KBTBD12: variants seen among roughly 807,000 people sequenced by gnomAD.
KBTBD12 encodes kelch repeat and BTB domain containing 12.
In KBTBD12, 53 loss-of-function variants were observed where a neutral mutation model predicts 58.7. The ratio of observed to expected loss-of-function variants is 0.90; its 90% confidence interval spans 0.72 to 1.14. The LOEUF (loss-of-function observed/expected upper bound fraction) is 1.14, where lower values mean the gene tolerates loss of function less well. Among genes scored for constraint, KBTBD12 ranks in the 50% most tolerant of loss-of-function variants. The pLI, the probability that KBTBD12 is intolerant of heterozygous loss-of-function variation, is 0.00. For missense variants in KBTBD12, 704 were observed against 751.3 expected (o/e 0.94, Z 0.74); for synonymous variants, 236 against 259.8 (o/e 0.91, Z 0.88).
chr3:127,926,683 T>C (rs1378564864), intron 2 of KBTBD12, among the ~76,000 whole-genome samples: 1 of 152,170 alleles, frequency 6.6e-6, no homozygotes, highest in Non-Finnish European at 1.5e-5. Flanking sequence ...GAATTAACTG[T>C]GAGGTGTTAA....
rs555208904 is a variant in KBTBD12 at position 127,976,380 on chromosome 3, T to TC, written c.1691-7711dup. Among the ~76,000 whole-genome samples the TC allele has an allele frequency of 8.5e-5, 13 of 152,280 alleles. 1 individual carries two copies. In the East Asian group the frequency reaches 2.1e-3, roughly 25 times the overall value. On this transcript the variant is annotated intron_variant, in intron 5 of 5. Transcript: ENST00000405109. Reference sequence around the variant, plus strand: ...CTGGAACATGTCGACACGCCCTTTTTCCCCCCTTTTTACAACATTAACTTG... The same window carrying TC: ...CTGGAACATGTCGACACGCCCTTTTTCCCCCCCTTTTTACAACATTAACTTG...
At chr3:127,981,997 GT>G (rs1315900831) in intron 5 of KBTBD12, among the ~76,000 whole-genome samples, 2 of 152,074 alleles carry the variant, frequency 1.3e-5, no homozygotes, top group Non-Finnish European at 2.9e-5. Flanking sequence ...CCATAAAATT[GT>G]TAAATAGGCG....
intron 4 of KBTBD12, among the ~76,000 whole-genome samples, chr3:127,935,765 G>A (rs551892350): frequency 3.9e-5 from 6 of 152,092 alleles, no homozygotes; most frequent in Non-Finnish European, 5.9e-5. Context: ...GACCAAACAC[G>A]CTAATCAAAA....
At chr3:127,930,404 C>G in intron 4 of KBTBD12, 121 bp downstream of exon 4, 1 of 818,740 alleles carries the variant, frequency 1.2e-6, no homozygotes, top group Admixed American at 2.8e-5. Context: ...ATACAACTAG[C>G]TGAACTTTGT....
chr3:127,940,149 A>G (rs1379882328), intron 4 of KBTBD12, among the ~76,000 whole-genome samples: 1 of 152,204 alleles, frequency 6.6e-6, no homozygotes, highest in African/African-American at 2.4e-5. Flanking sequence ...AGACAACTCC[A>G]CAATTATAAT....
At chr3:127,952,378 C>T (rs894884920) in intron 4 of KBTBD12, among the ~76,000 whole-genome samples, 2 of 152,170 alleles carry the variant, frequency 1.3e-5, no homozygotes, top group African/African-American at 4.8e-5. Flanking sequence ...ACTGTATTTG[C>T]TCCCTAAACT....
At chr3:127,960,725 C>T (rs1425841069) in intron 4 of KBTBD12, among the ~76,000 whole-genome samples, 2 of 152,190 alleles carry the variant, frequency 1.3e-5, no homozygotes, top group Admixed American at 1.3e-4. Flanking sequence ...TGTGTTCAGG[C>T]ATTAATGGTC....
At chr3:127,942,229 A>T (rs9847900) in intron 4 of KBTBD12, among the ~76,000 whole-genome samples, 8,558 of 152,270 alleles carry the variant, frequency 0.056, 278 homozygotes, top group East Asian at 0.098. Flanking sequence ...TAGTCAAAAG[A>T]TTACTATAAT....
chr3:127,955,794 T>C (rs540248212), intron 4 of KBTBD12, among the ~76,000 whole-genome samples: 9 of 152,338 alleles, frequency 5.9e-5, no homozygotes, highest in Admixed American at 4.6e-4. Flanking sequence ...AGCCAGGCCC[T>C]GGGCTGGCTT....
At chr3:127,973,728 C>T (rs931319685) in intron 5 of KBTBD12, among the ~76,000 whole-genome samples, 9 of 152,110 alleles carry the variant, frequency 5.9e-5, no homozygotes, top group Non-Finnish European at 7.4e-5. Flanking sequence ...CAGAATACAC[C>T]GGTATTCAGT....
At chr3:127,932,482 C>G (rs960740867) in intron 4 of KBTBD12, among the ~76,000 whole-genome samples, 3 of 152,142 alleles carry the variant, frequency 2.0e-5, no homozygotes, top group African/African-American at 7.2e-5. Context: ...TTTTGGGTCA[C>G]TGTCAATTAG....
chr3:127,969,613 T>C (rs994062230), intron 5 of KBTBD12, among the ~76,000 whole-genome samples: 4 of 152,176 alleles, frequency 2.6e-5, no homozygotes, highest in East Asian at 1.9e-4. Flanking sequence ...AGCATAATGA[T>C]AGACAAAACA....
At chr3:127,983,406 G>A (rs962656697) in intron 5 of KBTBD12, among the ~76,000 whole-genome samples, 12 of 152,258 alleles carry the variant, frequency 7.9e-5, no homozygotes, top group South Asian at 2.1e-4. Flanking sequence ...CTCCCTTGGG[G>A]GTGAACTTGG....
chr3:127,947,166 A>AT (rs1344172092), intron 4 of KBTBD12, among the ~76,000 whole-genome samples: 13 of 151,638 alleles, frequency 8.6e-5, no homozygotes, highest in Non-Finnish European at 1.9e-4. Context: ...ATGTCTGGTG[A>AT]TTTTTTTCTT....
rs780828801 is a variant in KBTBD12, at chr3:127,923,068, T to C, written c.7T>C (p.Cys3Arg). 19 of 1,593,336 alleles carry C rather than the reference T, an allele frequency of 1.2e-5. No homozygotes were observed. The South Asian group carries it at 1.8e-4, about 15-fold the overall frequency. Residue 3 changes from cysteine (C) to arginine (R), a missense_variant, in exon 2 of 6, where the codon TGC becomes CGC. Coordinates refer to ENST00000405109, the MANE Select transcript of KBTBD12 (RefSeq NM_207335.4). ...AAACTTTGGAGAGTAGATCATGGAG[T>C]GCAAGATTGAGGGAAAAGAAAAATA... is the stretch of plus-strand genomic sequence containing the variant. ME[C>R]KIEGKEKYQH...
chr3:127,985,045 T>C lies in KBTBD12; in HGVS notation c.*767T>C, dbSNP rs1439124592. 1 of 152,354 alleles carries C rather than the reference T, an allele frequency of 6.6e-6. No individual in the cohort carries two copies. Among genetic ancestry groups the C allele is most frequent in the East Asian group, 1.9e-4 (1 of 5,194 alleles). The allele number at this position is 152,354 out of a possible 1,614,324, so 9.4% of individuals were successfully genotyped here. The stretch of plus-strand genomic sequence containing the variant: ...AGAATCCTGCCCTGGGCTGACTCTG[T>C]CCGGGACAGGGATGTGGGGTTCTGC... On this transcript the variant is annotated 3_prime_UTR_variant, in exon 6 of 6. Transcript: ENST00000405109.
chr3:127,921,672 A>G (rs1326927528), intron 1 of KBTBD12, among the ~76,000 whole-genome samples: 2 of 152,182 alleles, frequency 1.3e-5, no homozygotes, highest in South Asian at 2.1e-4. Context: ...GTTGGAAGGA[A>G]GGGATACAAC....
At chr3:127,952,192 A>G (rs1338862623) in intron 4 of KBTBD12, among the ~76,000 whole-genome samples, 1 of 152,248 alleles carries the variant, frequency 6.6e-6, no homozygotes, top group African/African-American at 2.4e-5. Flanking sequence ...ATATCCTACA[A>G]AAGTAAATTC....
chr3:127,948,658 A>G (rs1373151283), intron 4 of KBTBD12, among the ~76,000 whole-genome samples: 1 of 152,188 alleles, frequency 6.6e-6, no homozygotes. Flanking sequence ...TCATGGTGGC[A>G]GTGAGAATCC....
Sources: gnomAD v4.1 joint callset for allele counts (sites outside exome capture counted in the v4.1 genomes callset) on GRCh38, gnomAD v4.1.1 for gene constraint, MANE v1.5 for transcripts, NCBI Gene and HGNC (gene_info 2026-07-23, HGNC 2026-07-21) for gene names.